PLXNA4: variants seen among roughly 807,000 people sequenced by gnomAD.
PLXNA4 encodes the protein plexin-A4.
A neutral mutation model predicts 191.8 loss-of-function variants in PLXNA4; 44 were observed. The observed-to-expected ratio is 0.23, with a 90% CI of 0.18 to 0.29. The LOEUF (loss-of-function observed/expected upper bound fraction) is 0.29. PLXNA4 is among the 10% of genes least tolerant of loss of function. The probability of loss-of-function intolerance (pLI) is 1.00; values close to 1 mark genes in which losing one functional copy is unlikely to be tolerated. For missense variants in PLXNA4, 1,800 were observed against 2,488.8 expected (o/e 0.72, Z 5.89); for synonymous variants, 1,082 against 1,009.5 (o/e 1.07, Z -1.36).
intron 3 of PLXNA4, chr7:132,485,126 C>T (rs888438269): frequency 2.0e-5 from 29 of 1,431,322 alleles, no homozygotes; most frequent in African/African-American, 7.1e-5. Flanking sequence ...ACTATATACT[C>T]CTATTGCCTC....
chr7:132,438,663 T>C (rs1222305732), intron 3 of PLXNA4, among the ~76,000 whole-genome samples: 2 of 152,246 alleles, frequency 1.3e-5, no homozygotes, highest in Non-Finnish European at 2.9e-5. Context: ...TTTTTGCCAC[T>C]TGCTGGTAAT....
chr7:132,576,112 G>C lies in PLXNA4; in HGVS notation c.-87+310C>G, dbSNP rs966210142. On this transcript the variant is annotated intron_variant, in intron 1 of 31. Coordinates refer to ENST00000321063, the MANE Select transcript of PLXNA4 (RefSeq NM_020911.2). This position sits in a 1 kb window ranked among gnomAD's most constrained non-coding sequence, Gnocchi z 5.8. The stretch of plus-strand genomic sequence containing the variant: ...CTCCCCGGGTGGGAGGCAGAGCCGG[G>C]AATACACAGAATCCCACCCCGAAAG... Among the ~76,000 whole-genome samples the C allele has an allele frequency of 6.6e-6, 1 of 152,168 alleles. No individual in the cohort carries two copies. Among genetic ancestry groups the C allele is most frequent in the African/African-American group, 2.4e-5 (1 of 41,438 alleles).
At chr7:132,501,086 T>G (rs1798229882) in intron 2 of PLXNA4, among the ~76,000 whole-genome samples, 1 of 140,174 alleles carries the variant, frequency 7.1e-6, no homozygotes, top group South Asian at 2.4e-4. Flanking sequence ...TATCTCACAC[T>G]GCATGAGGCG....
intron 4 of PLXNA4, among the ~76,000 whole-genome samples, chr7:132,261,565 C>T (rs1468470256): frequency 6.6e-6 from 1 of 152,230 alleles, no homozygotes; most frequent in African/African-American, 2.4e-5. Flanking sequence ...AGCCACACCC[C>T]AAGGTATTTC....
intron 30 of PLXNA4, among the ~76,000 whole-genome samples, chr7:132,138,203 TCC>T (rs1187853963): frequency 6.6e-6 from 1 of 152,020 alleles, no homozygotes; most frequent in Admixed American, 6.6e-5. Flanking sequence ...CAGAAAACCT[TCC>T]CCAAATACAT....
intron 5 of PLXNA4, among the ~76,000 whole-genome samples, chr7:132,240,591 G>A (rs1224728182): frequency 6.6e-6 from 1 of 152,204 alleles, no homozygotes; most frequent in East Asian, 1.9e-4. Context: ...CTTTGGAGCT[G>A]TTGAAGTAGA....
At chr7:132,177,404 T>C (rs1796512501) in intron 20 of PLXNA4, among the ~76,000 whole-genome samples, 1 of 152,236 alleles carries the variant, frequency 6.6e-6, no homozygotes, top group South Asian at 2.1e-4. Context: ...CTTGGGCCAG[T>C]GCAGCCCTGT....
chr7:132,158,155 G>A (rs1482175509), intron 25 of PLXNA4, among the ~76,000 whole-genome samples: 1 of 152,236 alleles, frequency 6.6e-6, no homozygotes, highest in African/African-American at 2.4e-5. Context: ...TCAGCCAAGA[G>A]CCAAGAGAGA....
intron 4 of PLXNA4, among the ~76,000 whole-genome samples, chr7:132,276,173 T>G (rs1800270592): frequency 6.6e-6 from 1 of 152,230 alleles, no homozygotes; most frequent in African/African-American, 2.4e-5. Context: ...CATAAATGCA[T>G]GAGCATAGCC....
At chr7:132,183,714 C>A (rs1796786757) in intron 16 of PLXNA4, among the ~76,000 whole-genome samples, 1 of 152,184 alleles carries the variant, frequency 6.6e-6, no homozygotes, top group Non-Finnish European at 1.5e-5. Flanking sequence ...CCTCTCTGTG[C>A]CTTCTGGTCT....
At chr7:132,563,682 C>CCTCCTCCTCCTCCTT (rs1482832811) in intron 1 of PLXNA4, among the ~76,000 whole-genome samples, 105 of 120,348 alleles carry the variant, frequency 8.7e-4, no homozygotes, top group Non-Finnish European at 1.2e-3. Flanking sequence ...TCCTCTTTCT[C>CCTCCTCCTCCTCCTT]CTCCTCCTCC....
chr7:132,472,470 G>A (rs1242990584), intron 3 of PLXNA4, among the ~76,000 whole-genome samples: 1 of 152,190 alleles, frequency 6.6e-6, no homozygotes, highest in Non-Finnish European at 1.5e-5. Context: ...ACTGGGAGCT[G>A]AAAAGAGAGA....
intron 2 of PLXNA4, among the ~76,000 whole-genome samples, chr7:132,616,002 G>A (rs1434440857): frequency 1.5e-5 from 2 of 130,784 alleles, no homozygotes; most frequent in African/African-American, 5.5e-5. Context: ...CCCCAAATCA[G>A]CCAGACTTAG....
chr7:132,571,517 T>C (rs1801978201), intron 1 of PLXNA4, among the ~76,000 whole-genome samples: 1 of 152,104 alleles, frequency 6.6e-6, no homozygotes, highest in Admixed American at 6.5e-5. Flanking sequence ...GAGTAATAAA[T>C]GAATGAATGA....
chr7:132,511,015 G>A (rs1798691999), intron 1 of PLXNA4, among the ~76,000 whole-genome samples: 2 of 140,396 alleles, frequency 1.4e-5, no homozygotes, highest in South Asian at 4.7e-4. Flanking sequence ...TTTCCATTTA[G>A]CCTTAGCCTT....
intron 8 of PLXNA4, among the ~76,000 whole-genome samples, 166 bp downstream of exon 8, chr7:132,225,995 G>A (rs565163548): frequency 1.3e-4 from 20 of 149,818 alleles, no homozygotes; most frequent in African/African-American, 4.6e-4. Flanking sequence ...CCTCCTCTGG[G>A]GCTTCTAAAT....
At chr7:132,223,268 G>A (rs1798204966) in intron 9 of PLXNA4, among the ~76,000 whole-genome samples, 1 of 152,172 alleles carries the variant, frequency 6.6e-6, no homozygotes, top group Non-Finnish European at 1.5e-5. Flanking sequence ...CACCTGGTGT[G>A]TGGAGGATCC....
In PLXNA4 at chr7:132,312,149, A is replaced by AAATAATAATAATAATAATAAT. The variant is rs56273116; in HGVS notation, c.1372-13948_1372-13928dup. 8.8e-3 allele frequency among the ~76,000 whole-genome samples: 1,316 copies of AAATAATAATAATAATAATAAT among 149,532 alleles called. 20 individuals carry two copies. The highest frequency in any genetic ancestry group is 0.027 in the African/African-American group (1,070 of 40,236). ...ACCAGAGCCAAAGTGCCTTGAAGGAAAATAATAATAATAATAATAATAATA... is the reference window on the plus strand; with the variant it reads ...ACCAGAGCCAAAGTGCCTTGAAGGAAAATAATAATAATAATAATAATAATAATAATAATAATAATAATAATA... On this transcript the variant is annotated intron_variant, in intron 3 of 31. Transcript: ENST00000321063.
At chr7:132,231,116 T>G (rs1671137620) in intron 5 of PLXNA4, among the ~76,000 whole-genome samples, 1 of 152,240 alleles carries the variant, frequency 6.6e-6, no homozygotes, top group African/African-American at 2.4e-5. Flanking sequence ...GGAAGCCACC[T>G]GTAATTTACA....
Sources: gnomAD v4.1 joint callset for allele counts (sites outside exome capture counted in the v4.1 genomes callset) on GRCh38, gnomAD v4.1.1 for gene constraint, Gnocchi (gnomAD v3.1) non-coding constraint, MANE v1.5 for transcripts, NCBI Gene and HGNC (gene_info 2026-07-23, HGNC 2026-07-21) for gene names.